The following ASPRV1 variants were observed in gnomAD, a reference collection of about 807,000 sequenced individuals.
ASPRV1 encodes the protein retroviral-like aspartic protease 1.
Under a neutral mutation model 11.0 loss-of-function variants are expected in ASPRV1, and 7 were observed. The ratio of observed to expected loss-of-function variants is 0.64; its 90% CI spans 0.36 to 1.20. ASPRV1 has a LOEUF of 1.20. Among genes scored for constraint, ASPRV1 ranks in the 50% most tolerant of loss-of-function variants. The probability of loss-of-function intolerance (pLI) is 0.02; values close to 1 mark genes in which losing one functional copy is unlikely to be tolerated. For synonymous variants in ASPRV1, 136 were observed against 138.4 expected (o/e 0.98, Z 0.12); for missense variants, 299 against 320.0 (o/e 0.93, Z 0.50).
At chr2:70,051,308 G>A in the ASPRV1 span, 2 of 152,166 alleles carry the variant, frequency 1.3e-5, no homozygotes, top group Admixed American at 6.6e-5. Context: ...CGTCTCACCT[G>A]TCAGATGAGG....
chr2:69,960,647 AG>A lies in ASPRV1; in HGVS notation c.*9del. On this transcript the variant is annotated 3_prime_UTR_variant, in exon 1 of 1. Coordinates refer to ENST00000320256, the MANE Select transcript of ASPRV1 (RefSeq NM_152792.4). ...ACCAATATTTAGGAGGTTAAAGAAA[AG>A]GTGGCTTCTCAGTGGGATAGCTCCT... is the stretch of plus-strand genomic sequence containing the variant. 6.2e-7 allele frequency: 1 copy of A among 1,601,794 alleles called. No homozygotes were observed. The highest frequency in any genetic ancestry group is 1.1e-5 in the South Asian group (1 of 90,612).
chr2:69,961,744 G>T (rs1040342209), upstream of ASPRV1: 46 of 1,500,508 alleles, frequency 3.1e-5, 2 homozygotes, highest in South Asian at 5.6e-4. Flanking sequence ...GCCAGCATCC[G>T]GCCGGACTAG....
chr2:69,943,179 A>G, the ASPRV1 span, among the ~76,000 whole-genome samples: 6 of 152,026 alleles, frequency 3.9e-5, no homozygotes, highest in Admixed American at 2.6e-4. Flanking sequence ...CATCCCACCT[A>G]CTGGTTTCAC....
chr2:70,022,865 T>TAA, the ASPRV1 span, among the ~76,000 whole-genome samples: 2 of 147,568 alleles, frequency 1.4e-5, no homozygotes, highest in Non-Finnish European at 3.0e-5. Context: ...TCAATAAAGC[T>TAA]AAAAAAAAAA....
At chr2:70,084,028 C>T in the ASPRV1 span, among the ~76,000 whole-genome samples, 1 of 152,186 alleles carries the variant, frequency 6.6e-6, no homozygotes, top group South Asian at 2.1e-4. Context: ...ATTTAACCAA[C>T]GTCCAAACGT....
the ASPRV1 span, chr2:69,935,459 C>T: frequency 6.2e-7 from 1 of 1,607,988 alleles, no homozygotes; most frequent in Non-Finnish European, 8.5e-7. Context: ...CCAAATTGCA[C>T]ATAAAGGTAA....
chr2:69,962,569 C>T (rs1415478265), upstream of ASPRV1: 4 of 152,602 alleles, frequency 2.6e-5, no homozygotes, highest in South Asian at 2.1e-4. Context: ...CTGTGCCCCT[C>T]GCTGCAGGGG....
chr2:70,074,477 C>CA, the ASPRV1 span, among the ~76,000 whole-genome samples: 1 of 151,534 alleles, frequency 6.6e-6, no homozygotes, highest in Non-Finnish European at 1.5e-5. Flanking sequence ...TTAGTAGAGA[C>CA]AGAGTTTCAC....
At chr2:70,065,390 C>CAAA in the ASPRV1 span, among the ~76,000 whole-genome samples, 59 of 52,574 alleles carry the variant, frequency 1.1e-3, no homozygotes, top group Middle Eastern at 0.012. Context: ...GACACCATCT[C>CAAA]AAAAAAAAAA....
At chr2:70,036,782 C>T in the ASPRV1 span, among the ~76,000 whole-genome samples, 2 of 152,172 alleles carry the variant, frequency 1.3e-5, no homozygotes, top group African/African-American at 2.4e-5. Flanking sequence ...ATCCTCCCAC[C>T]TCAGCCTCCC....
chr2:70,017,727 A>G, the ASPRV1 span, among the ~76,000 whole-genome samples: 9 of 152,188 alleles, frequency 5.9e-5, no homozygotes, highest in Non-Finnish European at 8.8e-5. Flanking sequence ...GTCTGTTAGT[A>G]TTTTTTTAAA....
chr2:69,984,726 T>G, the ASPRV1 span, among the ~76,000 whole-genome samples: 1 of 150,876 alleles, frequency 6.6e-6, no homozygotes, highest in African/African-American at 2.5e-5. Context: ...GTTCAAGCGA[T>G]TCTCCTGCCT....
the ASPRV1 span, among the ~76,000 whole-genome samples, chr2:70,061,372 G>C: frequency 6.7e-6 from 1 of 148,316 alleles, no homozygotes; most frequent in Non-Finnish European, 1.5e-5. Context: ...TCCAGCCTGG[G>C]TGATAGAGTG....
chr2:69,958,614 C>T (rs959663051), downstream of ASPRV1, among the ~76,000 whole-genome samples: 4 of 151,976 alleles, frequency 2.6e-5, no homozygotes, highest in Non-Finnish European at 5.9e-5. Context: ...CTACCCAGCA[C>T]GTGGCTGGGA....
chr2:70,021,303 C>T, the ASPRV1 span, among the ~76,000 whole-genome samples: 2 of 151,534 alleles, frequency 1.3e-5, no homozygotes, highest in East Asian at 1.9e-4. Flanking sequence ...TTGTTCTGTA[C>T]GCAAGATGAA....
At chr2:70,085,341 A>G in the ASPRV1 span, among the ~76,000 whole-genome samples, 4 of 152,288 alleles carry the variant, frequency 2.6e-5, no homozygotes, top group East Asian at 5.8e-4. Flanking sequence ...CAGACACTGC[A>G]TAAGACAGCA....
chr2:70,074,680 T>C, the ASPRV1 span, among the ~76,000 whole-genome samples: 1 of 151,994 alleles, frequency 6.6e-6, no homozygotes, highest in Non-Finnish European at 1.5e-5. Flanking sequence ...GTCCTCTTTA[T>C]TCCTAGTCCA....
the ASPRV1 span, among the ~76,000 whole-genome samples, chr2:69,984,027 A>G: frequency 6.6e-6 from 1 of 152,124 alleles, no homozygotes; most frequent in Non-Finnish European, 1.5e-5. Context: ...CAACTCTATG[A>G]ACGAGGAGGT....
the ASPRV1 span, among the ~76,000 whole-genome samples, chr2:70,019,849 T>C: frequency 1.3e-5 from 2 of 152,222 alleles, no homozygotes; most frequent in African/African-American, 4.8e-5. Context: ...TACATCATGC[T>C]GACTACAGTT....
Sources: gnomAD v4.1 joint callset for allele counts (sites outside exome capture counted in the v4.1 genomes callset) on GRCh38, gnomAD v4.1.1 for gene constraint, MANE v1.5 for transcripts, NCBI Gene and HGNC (gene_info 2026-07-23, HGNC 2026-07-21) for gene names.